EXOC2: variants seen among roughly 807,000 people sequenced by gnomAD.
The protein encoded by EXOC2 is exocyst complex component 2.
In EXOC2, 70 loss-of-function variants were observed where a neutral mutation model predicts 131.8. The observed-to-expected ratio is 0.53, with a 90% CI of 0.44 to 0.65. The LOEUF (loss-of-function observed/expected upper bound fraction) is 0.65. Among genes scored for constraint, EXOC2 ranks in the 30% least tolerant of loss-of-function variants. The pLI, the probability that EXOC2 is intolerant of heterozygous loss-of-function variation, is 0.00. For missense variants in EXOC2, 923 were observed against 1,108.6 expected (o/e 0.83, Z 2.38); for synonymous variants, 411 against 398.4 (o/e 1.03, Z -0.38).
At chr6:624,500 TAC>T (rs770171427) in intron 4 of EXOC2, among the ~76,000 whole-genome samples, 71 of 152,342 alleles carry the variant, frequency 4.7e-4, no homozygotes, top group Admixed American at 1.4e-3. Context: ...ATTTATATCT[TAC>T]AGACTAATTT....
At chr6:677,520 A>G (rs1006909269) in intron 1 of EXOC2, among the ~76,000 whole-genome samples, 1 of 152,188 alleles carries the variant, frequency 6.6e-6, no homozygotes, top group Non-Finnish European at 1.5e-5. Flanking sequence ...GACTTATTTT[A>G]TCCAGGTACT....
chr6:522,822 G>C (rs1765545736), intron 23 of EXOC2, among the ~76,000 whole-genome samples: 1 of 152,230 alleles, frequency 6.6e-6, no homozygotes, highest in Non-Finnish European at 1.5e-5. Context: ...GAAAGGGAAT[G>C]CTGGGTCTTT....
At chr6:538,631 A>G (rs779951070) in intron 22 of EXOC2, among the ~76,000 whole-genome samples, 16 of 152,184 alleles carry the variant, frequency 1.1e-4, no homozygotes, top group Non-Finnish European at 1.5e-4. Context: ...CCTCCTTTAA[A>G]AAAGATAACA....
chr6:515,777 G>A (rs1026893977), intron 23 of EXOC2, among the ~76,000 whole-genome samples: 6 of 151,868 alleles, frequency 4.0e-5, no homozygotes, highest in African/African-American at 1.5e-4. Flanking sequence ...CAGAGTGACT[G>A]TAATCATACA....
intron 4 of EXOC2, among the ~76,000 whole-genome samples, chr6:627,026 T>C (rs1231282907): frequency 6.6e-6 from 1 of 152,142 alleles, no homozygotes; most frequent in Non-Finnish European, 1.5e-5. Context: ...ATGACATTAA[T>C]AAACAGAACT....
intron 23 of EXOC2, among the ~76,000 whole-genome samples, chr6:507,314 C>T (rs1466534533): frequency 9.6e-6 from 1 of 103,868 alleles, no homozygotes; most frequent in Non-Finnish European, 2.0e-5. Flanking sequence ...CACACACACA[C>T]ACACAAAGAA....
At chr6:690,244 T>C (rs1764855546) in intron 1 of EXOC2, among the ~76,000 whole-genome samples, 2 of 152,274 alleles carry the variant, frequency 1.3e-5, no homozygotes, top group East Asian at 3.9e-4. Context: ...TAGTCCCAGC[T>C]ACTTGGGAGG....
At chr6:635,801 G>A (rs770677413) in intron 2 of EXOC2, among the ~76,000 whole-genome samples, 1 of 152,256 alleles carries the variant, frequency 6.6e-6, no homozygotes, top group Non-Finnish European at 1.5e-5. Flanking sequence ...GGCGGCGCAC[G>A]CCTGTAATGC....
At chr6:637,937 G>T in intron 1 of EXOC2, 76 bp from the exon 2 acceptor site, 1 of 923,410 alleles carries the variant, frequency 1.1e-6, no homozygotes, top group Non-Finnish European at 1.7e-6. Context: ...ATGCTAGACA[G>T]TCAGTACCAA....
Position 604,394 on chromosome 6 carries a change from C to G in EXOC2, c.743-5169G>C, listed in dbSNP as rs1156889564. Among the ~76,000 whole-genome samples, 5 of 152,170 alleles carry G rather than the reference C, an allele frequency of 3.3e-5. No homozygotes were observed. In the East Asian group the frequency reaches 9.6e-4, roughly 29 times the overall value. On this transcript the variant is annotated intron_variant, in intron 7 of 27. Coordinates refer to ENST00000230449, the MANE Select transcript of EXOC2 (RefSeq NM_018303.6). ...CACGTTACTTTATTCCATTACTACA[C>G]ACATTACTGCTGACCTGGCTTAACA...
intron 23 of EXOC2, among the ~76,000 whole-genome samples, chr6:500,969 T>C (rs1428961171): frequency 6.7e-6 from 1 of 149,688 alleles, no homozygotes; most frequent in Non-Finnish European, 1.5e-5. Flanking sequence ...ACGGTTTTTC[T>C]TTTGAGGAGC....
At chr6:565,027 A>G in intron 13 of EXOC2, 98 bp from the exon 14 acceptor site, 1 of 887,932 alleles carries the variant, frequency 1.1e-6, no homozygotes, top group African/African-American at 1.7e-5. Context: ...AAATATGGTT[A>G]TAACTTGATT....
chr6:549,233 AG>A lies in EXOC2; in HGVS notation c.2179del (p.Leu727Ter). The A allele has an allele frequency of 6.2e-7, 1 of 1,614,240 alleles. No homozygotes were observed. The highest frequency in any genetic ancestry group is 1.1e-5 in the South Asian group (1 of 91,086). On this transcript the variant is annotated frameshift_variant, in exon 22 of 28. Transcript: ENST00000230449. LOFTEE classifies it high-confidence loss of function. ...CTTTTCAAAATGTTCTGCGATATTT[AG>A]GAAGGTGTGACGTTCTAGATAGCAG... The part of the protein sequence containing the change: ...NCCYLERHTF[L>X]NIAEHFEKHN...
At chr6:625,525 T>C (rs1761518296) in intron 4 of EXOC2, among the ~76,000 whole-genome samples, 2 of 118,134 alleles carry the variant, frequency 1.7e-5, no homozygotes. Flanking sequence ...GTTCTTTTTT[T>C]TTTTTTTTTT....
At chr6:646,676 T>C (rs1340255034) in intron 1 of EXOC2, among the ~76,000 whole-genome samples, 3 of 152,232 alleles carry the variant, frequency 2.0e-5, no homozygotes, top group Non-Finnish European at 4.4e-5. Flanking sequence ...TAAACTGATA[T>C]TACATAAAGA....
chr6:486,675 G>GT lies in EXOC2; in HGVS notation c.2770dup (p.Thr924AsnfsTer16), dbSNP rs1286362734. 10 of 1,613,732 alleles carry GT rather than the reference G, an allele frequency of 6.2e-6. No individual in the cohort carries two copies. Among genetic ancestry groups the GT allele is most frequent in the Non-Finnish European group, 8.5e-7 (1 of 1,179,740 alleles). ...CTTCTTTTATGTGGCAGATATTTAT[G>GT]TTTTCATCATGGTTGAAGAAGCTGC... is the stretch of plus-strand genomic sequence containing the variant. On this transcript the variant is annotated frameshift_variant, in exon 28 of 28. Coordinates refer to ENST00000230449, the MANE Select transcript of EXOC2 (RefSeq NM_018303.6). LOFTEE classifies it high-confidence loss of function.
chr6:653,580 A>G (rs914637994), intron 1 of EXOC2, among the ~76,000 whole-genome samples: 3 of 152,250 alleles, frequency 2.0e-5, no homozygotes, highest in African/African-American at 7.2e-5. Flanking sequence ...GCTGCAGAAG[A>G]AAAGGCTGTA....
At chr6:546,009 G>A (rs2127560770) in intron 22 of EXOC2, among the ~76,000 whole-genome samples, 1 of 151,972 alleles carries the variant, frequency 6.6e-6, no homozygotes, top group Non-Finnish European at 1.5e-5. Flanking sequence ...TTTTCACCAT[G>A]TTTCATATTT....
intron 1 of EXOC2, chr6:679,256 A>G (rs761555805): frequency 6.6e-6 from 1 of 152,174 alleles, no homozygotes; most frequent in Non-Finnish European, 1.5e-5. Flanking sequence ...AGCTCACAAA[A>G]ATCAATCCAG....
Sources: allele counts gnomAD v4.1 joint callset (sites outside exome capture counted in the v4.1 genomes callset), GRCh38; gene constraint gnomAD v4.1.1; transcripts MANE v1.5; gene names NCBI Gene and HGNC (gene_info 2026-07-23, HGNC 2026-07-21).